Variants in NAALADL2 observed in about 807,000 individuals in gnomAD.
NAALADL2 encodes the protein inactive N-acetylated-alpha-linked acidic dipeptidase-like protein 2.
Under a neutral mutation model 87.2 loss-of-function variants are expected in NAALADL2, and 76 were observed. That is an observed-to-expected ratio of 0.87 (90% confidence interval 0.72 to 1.05). The LOEUF is 1.05. Ranked by LOEUF, NAALADL2 falls within the 50% of genes least tolerant of loss-of-function variation. NAALADL2 has a pLI of 0.00. For synonymous variants in NAALADL2, 354 were observed against 331.0 expected, an observed-to-expected ratio of 1.07 and a Z score of -0.75; for missense variants, 1,089 against 945.8, an observed-to-expected ratio of 1.15 and a Z score of -1.99.
chr3:175,030,157 C>T (rs914432080), intron 1 of NAALADL2, among the ~76,000 whole-genome samples: 4 of 152,028 alleles, frequency 2.6e-5, no homozygotes, highest in Admixed American at 6.6e-5. Flanking sequence ...ATTAACATGG[C>T]CCTAGAGGCC....
intron 9 of NAALADL2, among the ~76,000 whole-genome samples, chr3:175,482,283 GA>G (rs1726588695): frequency 6.6e-6 from 1 of 151,878 alleles, no homozygotes; most frequent in Admixed American, 6.6e-5. Flanking sequence ...AAGTTTTCAA[GA>G]GGCTGCTGTT....
At chr3:174,483,054 T>G (rs1157806283) in intron 1 of NAALADL2, among the ~76,000 whole-genome samples, 1 of 151,976 alleles carries the variant, frequency 6.6e-6, no homozygotes, top group Non-Finnish European at 1.5e-5. Flanking sequence ...TGGAGATACA[T>G]CCAGTGTTTC....
chr3:175,802,207 A>C (rs755297918), intron 13 of NAALADL2, among the ~76,000 whole-genome samples: 16 of 152,048 alleles, frequency 1.1e-4, no homozygotes, highest in South Asian at 6.2e-4. Flanking sequence ...ATCACATCTA[A>C]AATATTTGCA....
intron 5 of NAALADL2, among the ~76,000 whole-genome samples, chr3:175,368,003 A>G (rs1489277771): frequency 6.6e-6 from 1 of 152,110 alleles, no homozygotes; most frequent in East Asian, 1.9e-4. Flanking sequence ...TGTCATAGAT[A>G]GCTCTTATTA....
intron 1 of NAALADL2, among the ~76,000 whole-genome samples, chr3:174,915,174 A>G (rs968675410): frequency 1.8e-4 from 27 of 152,282 alleles, no homozygotes; most frequent in Admixed American, 1.7e-3. Context: ...TTCATGGTCA[A>G]TTGGATAGAT....
chr3:174,763,855 A>T (rs989323591), intron 3 of NAALADL2, among the ~76,000 whole-genome samples: 15 of 151,944 alleles, frequency 9.9e-5, no homozygotes, highest in African/African-American at 2.2e-4. Flanking sequence ...AACAAAATTT[A>T]AAAAAGATTA....
chr3:174,701,880 C>CA (rs1207853867), intron 2 of NAALADL2, among the ~76,000 whole-genome samples: 1 of 152,030 alleles, frequency 6.6e-6, no homozygotes, highest in Non-Finnish European at 1.5e-5. Flanking sequence ...TTTGCAATTA[C>CA]AAAAAAGATG....
chr3:174,824,932 G>A (rs1008696260), intron 3 of NAALADL2, among the ~76,000 whole-genome samples: 20 of 152,258 alleles, frequency 1.3e-4, no homozygotes, highest in African/African-American at 4.8e-4. Flanking sequence ...CAAGCAATGA[G>A]AAATAGAAGC....
chr3:175,019,452 A>G (rs191685822), intron 1 of NAALADL2, among the ~76,000 whole-genome samples: 66 of 152,146 alleles, frequency 4.3e-4, no homozygotes, highest in Admixed American at 3.9e-3. Flanking sequence ...TTTTGTTTTC[A>G]TTGCTCATAA....
chr3:174,714,208 G>A (rs1252136351), intron 2 of NAALADL2, among the ~76,000 whole-genome samples: 1 of 152,134 alleles, frequency 6.6e-6, no homozygotes, highest in African/African-American at 2.4e-5. Flanking sequence ...CTGTAGCCTT[G>A]TAGTATAGTT....
chr3:175,198,080 C>G (rs912401705), intron 2 of NAALADL2, among the ~76,000 whole-genome samples: 2 of 151,984 alleles, frequency 1.3e-5, no homozygotes, highest in Non-Finnish European at 2.9e-5. Context: ...AGTTTTGAAT[C>G]CCTGGCTTTT....
chr3:174,490,331 T>C (rs1162032221), intron 1 of NAALADL2, among the ~76,000 whole-genome samples: 1 of 152,148 alleles, frequency 6.6e-6, no homozygotes, highest in Admixed American at 6.6e-5. Context: ...TTTCCATTTA[T>C]ATAAAATGTC....
chr3:175,249,602 A>G (rs1748638418), intron 3 of NAALADL2, among the ~76,000 whole-genome samples: 1 of 152,144 alleles, frequency 6.6e-6, no homozygotes, highest in African/African-American at 2.4e-5. Flanking sequence ...ACTCTTCTGG[A>G]AACAAAAATT....
chr3:175,045,324 A>G (rs923746924), intron 1 of NAALADL2, among the ~76,000 whole-genome samples: 2 of 151,980 alleles, frequency 1.3e-5, no homozygotes, highest in Non-Finnish European at 1.5e-5. Flanking sequence ...CTCCTCCATT[A>G]TCTTTGTTAT....
chr3:174,548,469 T>A (rs1158427147), intron 1 of NAALADL2, among the ~76,000 whole-genome samples: 4 of 152,198 alleles, frequency 2.6e-5, no homozygotes, highest in Non-Finnish European at 5.9e-5. Flanking sequence ...TTCTCACTAA[T>A]GCTTATCTAC....
chr3:175,141,862 A>G (rs1730045515), intron 2 of NAALADL2, among the ~76,000 whole-genome samples: 2 of 152,112 alleles, frequency 1.3e-5, no homozygotes, highest in South Asian at 2.1e-4. Flanking sequence ...TGATCAAGGT[A>G]TTTTAAGCGC....
intron 1 of NAALADL2, among the ~76,000 whole-genome samples, chr3:174,525,536 C>G (rs767478852): frequency 1.4e-4 from 21 of 152,048 alleles, no homozygotes; most frequent in African/African-American, 2.7e-4. Flanking sequence ...GAGGGATTCA[C>G]CCCCATGATC....
chr3:175,094,279 C>G (rs1331072863), intron 1 of NAALADL2, among the ~76,000 whole-genome samples: 2 of 151,798 alleles, frequency 1.3e-5, no homozygotes, highest in African/African-American at 2.4e-5. Context: ...AAGGTTACAG[C>G]AATTTACTGA....
chr3:174,529,174 T>C (rs1029928721), intron 1 of NAALADL2, among the ~76,000 whole-genome samples: 4 of 152,230 alleles, frequency 2.6e-5, no homozygotes, highest in Non-Finnish European at 5.9e-5. Context: ...AATACACCTA[T>C]TCTTAATGGG....
Sources: gnomAD v4.1 joint callset for allele counts (sites outside exome capture counted in the v4.1 genomes callset) on GRCh38, gnomAD v4.1.1 for gene constraint, MANE v1.5 for transcripts, NCBI Gene and HGNC (gene_info 2026-07-23, HGNC 2026-07-21) for gene names.